AGT: variants seen among roughly 807,000 people sequenced by gnomAD.
AGT encodes the protein angiotensinogen, also known as alpha-1 antiproteinase, antitrypsin.
A neutral mutation model predicts 28.1 loss-of-function variants in AGT; 26 were observed. That is an observed-to-expected ratio of 0.92 (90% CI 0.68 to 1.28). The LOEUF (loss-of-function observed/expected upper bound fraction) is 1.28. Among genes scored for constraint, AGT ranks in the 50% most tolerant of loss-of-function variants. The probability of loss-of-function intolerance (pLI) is 0.00; values close to 1 mark genes in which losing one functional copy is unlikely to be tolerated. For missense variants in AGT, 596 were observed against 592.3 expected (o/e 1.01, Z -0.06); for synonymous variants, 259 against 259.6 (o/e 1.00, Z 0.02).
chr1:230,708,509 C>T (rs1351705044), intron 2 of AGT, among the ~76,000 whole-genome samples: 1 of 152,152 alleles, frequency 6.6e-6, no homozygotes, highest in East Asian at 1.9e-4. Flanking sequence ...GCTGAGCAAT[C>T]CCCCCATCTA....
chr1:230,728,227 T>C (rs1663987222), intron 1 of AGT, among the ~76,000 whole-genome samples: 1 of 152,168 alleles, frequency 6.6e-6, no homozygotes, highest in Non-Finnish European at 1.5e-5. Flanking sequence ...AGTAGTGATG[T>C]TAATTATAGG....
upstream of AGT, among the ~76,000 whole-genome samples, chr1:230,716,732 G>A (rs558252542): frequency 2.6e-4 from 40 of 152,048 alleles, no homozygotes; most frequent in Non-Finnish European, 5.1e-4. Context: ...CCCCAGCCAC[G>A]TGGAACACAT....
chr1:230,718,671 A>T (rs980793035), upstream of AGT, among the ~76,000 whole-genome samples: 3 of 150,180 alleles, frequency 2.0e-5, no homozygotes, highest in South Asian at 6.3e-4. Flanking sequence ...TTCATTTAGC[A>T]TAATGTCTTC....
At chr1:230,728,424 T>C (rs2102801504) in intron 1 of AGT, among the ~76,000 whole-genome samples, 1 of 152,244 alleles carries the variant, frequency 6.6e-6, no homozygotes, top group East Asian at 1.9e-4. Context: ...ACTAAATTTC[T>C]CCTAAAGTTA....
chr1:230,715,719 A>G (rs1663720412), upstream of AGT, among the ~76,000 whole-genome samples: 1 of 152,190 alleles, frequency 6.6e-6, no homozygotes, highest in Non-Finnish European at 1.5e-5. Context: ...TCTAGCACTG[A>G]TTAAGCAACA....
At chr1:230,722,152 C>G (rs1571983022) in intron 1 of AGT, among the ~76,000 whole-genome samples, 2 of 152,246 alleles carry the variant, frequency 1.3e-5, no homozygotes, top group South Asian at 4.1e-4. Flanking sequence ...TAAAAGGGGC[C>G]AAGGTACAGC....
chr1:230,718,989 G>A (rs114187857), upstream of AGT, among the ~76,000 whole-genome samples: 6 of 152,170 alleles, frequency 3.9e-5, no homozygotes, highest in East Asian at 7.7e-4. Flanking sequence ...TCAGCCTCCC[G>A]GAGTGCTGGG....
At position 230,739,249 on chromosome 1, in the gene AGT, G is replaced by A. The variant is rs181077997; in HGVS notation, c.-31+6266C>T. 3.1e-3 allele frequency among the ~76,000 whole-genome samples: 465 copies of A among 151,288 alleles called. 3 individuals are homozygous for A. Among genetic ancestry groups the A allele is most frequent in the African/African-American group, 9.9e-3 (407 of 41,080 alleles). ...GTATGACTATAGTCCCAGCTGCTCA[G>A]GAGGCTGAGGCAGAAGGATGGCTGG... is the stretch of plus-strand genomic sequence containing the variant. On this transcript the variant is annotated intron_variant, in intron 1 of 4. Transcript: ENST00000681269.
upstream of AGT, among the ~76,000 whole-genome samples, chr1:230,716,980 G>A (rs182342893): frequency 9.4e-4 from 142 of 151,336 alleles, 2 homozygotes; most frequent in African/African-American, 3.3e-3. Flanking sequence ...ACTCCATTTT[G>A]AAAAAGAGCT....
At chr1:230,735,960 A>G (rs1254865715) in intron 1 of AGT, among the ~76,000 whole-genome samples, 2 of 152,228 alleles carry the variant, frequency 1.3e-5, no homozygotes, top group East Asian at 3.9e-4. Context: ...ACTGTTTAAA[A>G]GAAAACAGTC....
chr1:230,723,415 G>T (rs1663882943), intron 1 of AGT, among the ~76,000 whole-genome samples: 3 of 152,168 alleles, frequency 2.0e-5, no homozygotes, highest in African/African-American at 7.2e-5. Flanking sequence ...CATTATTCAA[G>T]AATTCAATTC....
chr1:230,736,519 G>GA (rs1054537164), intron 1 of AGT, among the ~76,000 whole-genome samples: 26 of 151,428 alleles, frequency 1.7e-4, no homozygotes, highest in African/African-American at 4.1e-4. Flanking sequence ...ACTCCATCTC[G>GA]AAAAAAAAGA....
At chr1:230,723,692 G>A (rs1663886838) in intron 1 of AGT, among the ~76,000 whole-genome samples, 2 of 152,140 alleles carry the variant, frequency 1.3e-5, no homozygotes, top group South Asian at 4.1e-4. Flanking sequence ...TTAGTCCTAT[G>A]ATGTGAGTCC....
At chr1:230,708,823 C>A (rs1262532015) in intron 2 of AGT, among the ~76,000 whole-genome samples, 1 of 152,204 alleles carries the variant, frequency 6.6e-6, no homozygotes, top group Non-Finnish European at 1.5e-5. Flanking sequence ...ACACGGCAGG[C>A]TTCCGGGATG....
chr1:230,734,710 T>C (rs1242509415), intron 1 of AGT, among the ~76,000 whole-genome samples: 2 of 151,872 alleles, frequency 1.3e-5, no homozygotes, highest in Non-Finnish European at 2.9e-5. Flanking sequence ...GGCTGGTTTT[T>C]TTGTTTTTCT....
intron 1 of AGT, 135 bp from the exon 2 acceptor site, chr1:230,710,988 AAAG>A: frequency 1.7e-6 from 2 of 1,211,236 alleles, no homozygotes; most frequent in Non-Finnish European, 2.3e-6. Context: ...TCTACAAAAA[AAAG>A]AAGAAATGGA....
At chr1:230,733,682 G>A (rs1367676163) in intron 1 of AGT, among the ~76,000 whole-genome samples, 1 of 152,198 alleles carries the variant, frequency 6.6e-6, no homozygotes, top group East Asian at 1.9e-4. Flanking sequence ...ATTGAGTTGG[G>A]ATGAGCTAAT....
In AGT at chr1:230,728,067, A is replaced by T. The variant is rs547009944; in HGVS notation, c.-30-17214T>A. Among the ~76,000 whole-genome samples the T allele has an allele frequency of 3.9e-5, 6 of 152,332 alleles. No individual in the cohort carries two copies. In the South Asian group the frequency reaches 1.2e-3, roughly 32 times the overall value. On this transcript the variant is annotated intron_variant, in intron 1 of 4. Transcript: ENST00000681269. Reference sequence around the variant, plus strand: ...CTGCTGATTGGTTGGAGATGCAATCATAGGGGTGTGGAAAAAATGGTCCTC... The same window carrying T: ...CTGCTGATTGGTTGGAGATGCAATCTTAGGGGTGTGGAAAAAATGGTCCTC...
At chr1:230,739,276 G>C (rs1181586229) in intron 1 of AGT, among the ~76,000 whole-genome samples, 1 of 151,530 alleles carries the variant, frequency 6.6e-6, no homozygotes, top group Non-Finnish European at 1.5e-5. Flanking sequence ...GATGGCTGGA[G>C]CCCAGGAGTT....
Sources: allele counts gnomAD v4.1 joint callset (sites outside exome capture counted in the v4.1 genomes callset), GRCh38; gene constraint gnomAD v4.1.1; transcripts MANE v1.5; gene names NCBI Gene and HGNC (gene_info 2026-07-23, HGNC 2026-07-21).